ONECUT2: variants seen among roughly 807,000 people sequenced by gnomAD.
ONECUT2 encodes one cut domain family member 2.
ONECUT2 carries 10 observed loss-of-function variants against 27.9 expected under a neutral mutation model. That is an observed-to-expected ratio of 0.36 (90% CI 0.22 to 0.61). The LOEUF (loss-of-function observed/expected upper bound fraction) is 0.61. Among genes scored for constraint, ONECUT2 ranks in the 20% least tolerant of loss-of-function variants. ONECUT2 has a pLI of 0.73. For missense variants in ONECUT2, 686 were observed against 721.0 expected (o/e 0.95, Z 0.56); for synonymous variants, 334 against 315.1 (o/e 1.06, Z -0.64).
intron 1 of ONECUT2, among the ~76,000 whole-genome samples, chr18:57,455,991 T>C (rs1223191135): frequency 1.3e-5 from 2 of 152,238 alleles, no homozygotes; most frequent in Non-Finnish European, 2.9e-5. Flanking sequence ...CGGTTCCCTC[T>C]CAGAGCTCTG....
Position 57,435,976 on chromosome 18 carries a change from C to A in ONECUT2, c.260C>A (p.Ala87Glu). 3 of 1,441,046 alleles carry A rather than the reference C, an allele frequency of 2.1e-6. No homozygotes were observed. The highest frequency in any genetic ancestry group is 2.4e-4 in the Middle Eastern group (1 of 4,166). The allele number at this position is 1,441,046 out of a possible 1,614,324, so 89.3% of individuals were successfully genotyped here. A position where few individuals can be genotyped will look rare whatever the true frequency, so the allele number is the denominator to read the frequency against. ...CGGGGCCCTCCGCCGCCTCCAACCG[C>A]GCACCAGGAGCTGGGCACGGCGGCA... ...SLRGPPPPPT[A>E]HQELGTAAAA... Residue 87 changes from alanine to glutamate, a missense_variant, in exon 1 of 2, where the codon GCG becomes GAG. Ala to Glu is a moderately radical substitution (Grantham distance 107, BLOSUM62 -1). Coordinates refer to ENST00000491143, the MANE Select transcript of ONECUT2 (RefSeq NM_004852.3).
intron 1 of ONECUT2, among the ~76,000 whole-genome samples, chr18:57,465,160 C>T (rs369039443): frequency 2.1e-4 from 32 of 151,264 alleles, no homozygotes; most frequent in Non-Finnish European, 3.5e-4. Flanking sequence ...TTGCGGGGGG[C>T]GGGGGTTGTT....
In ONECUT2 at chr18:57,476,730, G is replaced by A. The variant is rs2050384837; in HGVS notation, c.*7G>A. 2 of 1,613,174 alleles carry A rather than the reference G, an allele frequency of 1.2e-6. No homozygotes were observed. Among genetic ancestry groups the A allele is most frequent in the Non-Finnish European group, 1.7e-6 (2 of 1,179,522 alleles). On this transcript the variant is annotated 3_prime_UTR_variant, in exon 2 of 2. Coordinates refer to ENST00000491143, the MANE Select transcript of ONECUT2 (RefSeq NM_004852.3). Reference sequence around the variant, plus strand: ...CACGTGTACCAAAGCATGATGGAAGGACTCTCACTTGGGCACAAGTCACCT... The same window carrying A: ...CACGTGTACCAAAGCATGATGGAAGAACTCTCACTTGGGCACAAGTCACCT...
chr18:57,439,678 CG>C (rs577464455), intron 1 of ONECUT2, among the ~76,000 whole-genome samples: 89 of 152,306 alleles, frequency 5.8e-4, no homozygotes, highest in African/African-American at 1.8e-3. Context: ...GAATCCCCGC[CG>C]GTACGCCGCA....
intron 1 of ONECUT2, among the ~76,000 whole-genome samples, chr18:57,457,492 C>G (rs1046795491): frequency 6.6e-6 from 1 of 152,162 alleles, no homozygotes; most frequent in Non-Finnish European, 1.5e-5. Flanking sequence ...TTCCTTTTCT[C>G]TAAGACGTCC....
rs192890254 is a variant in ONECUT2, at chr18:57,456,801, A to T, written c.1229-19636A>T. On this transcript the variant is annotated intron_variant, in intron 1 of 1. Coordinates refer to ENST00000491143, the MANE Select transcript of ONECUT2 (RefSeq NM_004852.3). ...ATATTGTATTGCTTGCTCAATTTTT[A>T]AAAAAAATTAAAAATAGAAAAACAA... is the stretch of plus-strand genomic sequence containing the variant. 7.6e-3 allele frequency among the ~76,000 whole-genome samples: 1,154 copies of T among 152,180 alleles called. 8 individuals are homozygous for T. Among genetic ancestry groups the T allele is most frequent in the African/African-American group, 0.014 (566 of 41,518 alleles).
chr18:57,460,694 T>G (rs1301397414), intron 1 of ONECUT2, among the ~76,000 whole-genome samples: 1 of 148,508 alleles, frequency 6.7e-6, no homozygotes, highest in Non-Finnish European at 1.5e-5. Context: ...AATCTTTTTT[T>G]TTTTTTTTTT....
rs1207134588 is a variant in ONECUT2, at chr18:57,482,253, G to A, written c.*5530G>A. On this transcript the variant is annotated 3_prime_UTR_variant, in exon 2 of 2. Transcript: ENST00000491143. ...GTTTCCAAGGTCGGGGAGGGAAAGAGGGGAGGGTTTATCTGTTTTAGAAAG... is the reference window on the plus strand; with the variant it reads ...GTTTCCAAGGTCGGGGAGGGAAAGAAGGGAGGGTTTATCTGTTTTAGAAAG... 1 of 152,172 alleles carries A rather than the reference G, an allele frequency of 6.6e-6. No individual in the cohort carries two copies. The highest frequency in any genetic ancestry group is 1.5e-5 in the Non-Finnish European group (1 of 68,038). The allele number at this position is 152,172 out of a possible 1,614,324, so 9.4% of individuals were successfully genotyped here.
intron 1 of ONECUT2, chr18:57,444,457 GATTGGCAGCC>G (rs2050191339): frequency 2.2e-6 from 1 of 456,390 alleles, no homozygotes; most frequent in African/African-American, 2.0e-5. Flanking sequence ...TTTTAAGGGT[GATTGGCAGCC>G]ATTGGCAGCT....
chr18:57,461,047 T>G (rs2050288470), intron 1 of ONECUT2, among the ~76,000 whole-genome samples: 1 of 152,236 alleles, frequency 6.6e-6, no homozygotes, highest in South Asian at 2.1e-4. Flanking sequence ...TTTGATCTTT[T>G]GGTTAGAGTT....
At chr18:57,454,561 A>G (rs969512693) in intron 1 of ONECUT2, among the ~76,000 whole-genome samples, 2 of 152,120 alleles carry the variant, frequency 1.3e-5, no homozygotes, top group Non-Finnish European at 1.5e-5. Context: ...ATTAAATGAG[A>G]CGCCATAAGG....
rs2050427612 is a variant in ONECUT2 at position 57,483,976 on chromosome 18, G to A, written c.*7253G>A. 6.6e-6 allele frequency: 1 copy of A among 152,600 alleles called. No homozygotes were observed. The highest frequency in any genetic ancestry group is 2.4e-5 in the African/African-American group (1 of 41,440). 9.5% of individuals were successfully genotyped at this position (152,600 alleles called of 1,614,324 possible). A position where few individuals can be genotyped will look rare whatever the true frequency, so the allele number is the denominator to read the frequency against. On this transcript the variant is annotated 3_prime_UTR_variant, in exon 2 of 2. Coordinates refer to ENST00000491143, the MANE Select transcript of ONECUT2 (RefSeq NM_004852.3). ...CTGTCAGAACAACAGAGCAAATTTT[G>A]TGGACAAGCAATGACTATTCAGCCT...
Position 57,482,900 on chromosome 18 carries a change from G to A in ONECUT2, c.*6177G>A, listed in dbSNP as rs1309194032. On this transcript the variant is annotated 3_prime_UTR_variant, in exon 2 of 2. Transcript: ENST00000491143. Reference sequence around the variant, plus strand: ...ATTTATTGTAACATTGAAAACCACAGTGCAGGGAAAACAAAAGTATCCCAG... The same window carrying A: ...ATTTATTGTAACATTGAAAACCACAATGCAGGGAAAACAAAAGTATCCCAG... 1.3e-5 allele frequency: 2 copies of A among 152,550 alleles called. No individual in the cohort carries two copies. Among genetic ancestry groups the A allele is most frequent in the Admixed American group, 1.3e-4 (2 of 15,278 alleles). The allele number at this position is 152,550 out of a possible 1,614,324, so 9.4% of individuals were successfully genotyped here.
At chr18:57,461,363 GT>G (rs2050290403) in intron 1 of ONECUT2, among the ~76,000 whole-genome samples, 1 of 152,148 alleles carries the variant, frequency 6.6e-6, no homozygotes, top group Non-Finnish European at 1.5e-5. Flanking sequence ...CATTTGGATT[GT>G]TTCCAGTTTT....
At chr18:57,455,038 G>C (rs574555496) in intron 1 of ONECUT2, among the ~76,000 whole-genome samples, 1 of 152,190 alleles carries the variant, frequency 6.6e-6, no homozygotes, top group Non-Finnish European at 1.5e-5. Flanking sequence ...GGTTTGGGGG[G>C]CCTTATCAGA....
In ONECUT2 at chr18:57,483,666, A is replaced by C. The variant is rs1233439356; in HGVS notation, c.*6943A>C. 1.3e-5 allele frequency: 2 copies of C among 152,586 alleles called. No homozygotes were observed. Among genetic ancestry groups the C allele is most frequent in the Non-Finnish European group, 2.9e-5 (2 of 68,034 alleles). 9.5% of individuals were successfully genotyped at this position (152,586 alleles called of 1,614,324 possible). ...TTTAGTTTGCTTTATAAAGCAGTGA[A>C]ATTCTGTTACAGACAGGGAAGAAAT... On this transcript the variant is annotated 3_prime_UTR_variant, in exon 2 of 2. Coordinates refer to ENST00000491143, the MANE Select transcript of ONECUT2 (RefSeq NM_004852.3).
At chr18:57,469,691 A>G (rs1444691966) in intron 1 of ONECUT2, among the ~76,000 whole-genome samples, 4 of 152,256 alleles carry the variant, frequency 2.6e-5, no homozygotes, top group African/African-American at 7.2e-5. Flanking sequence ...TTCATCTACT[A>G]TCGAGTAAGA....
intron 1 of ONECUT2, among the ~76,000 whole-genome samples, chr18:57,447,011 A>C (rs550778847): frequency 6.6e-6 from 1 of 152,352 alleles, no homozygotes; most frequent in East Asian, 1.9e-4. Flanking sequence ...TAGCATCTAC[A>C]GGGAGGACAT....
At chr18:57,453,217 C>T (rs1482386308) in intron 1 of ONECUT2, among the ~76,000 whole-genome samples, 1 of 152,188 alleles carries the variant, frequency 6.6e-6, no homozygotes. Context: ...ATATGGATCT[C>T]AGTTGCTGTC....
Sources: allele counts gnomAD v4.1 joint callset (sites outside exome capture counted in the v4.1 genomes callset), GRCh38; gene constraint gnomAD v4.1.1; transcripts MANE v1.5; gene names NCBI Gene and HGNC (gene_info 2026-07-23, HGNC 2026-07-21).